BRCA1: variants seen among roughly 807,000 people sequenced by gnomAD.
The protein encoded by BRCA1 is BRCA1 DNA repair associated, also known as breast cancer type 1 susceptibility protein.
In BRCA1, 140 loss-of-function variants were observed where a neutral mutation model predicts 173.7. The ratio of observed to expected loss-of-function variants is 0.81; its 90% CI spans 0.70 to 0.93. BRCA1 has a LOEUF of 0.93. Ranked by LOEUF, BRCA1 falls within the 40% of genes least tolerant of loss-of-function variation. The probability of loss-of-function intolerance (pLI) is 0.00; values close to 1 mark genes in which losing one functional copy is unlikely to be tolerated. For synonymous variants in BRCA1, 662 were observed against 756.0 expected (o/e 0.88, Z 2.04); for missense variants, 1,983 against 2,172.5 (o/e 0.91, Z 1.73).
chr17:43,100,680 T>G (rs10445302), intron 6 of BRCA1, among the ~76,000 whole-genome samples: 1 of 11,068 alleles, frequency 9.0e-5, no homozygotes, highest in Non-Finnish European at 1.6e-4. Flanking sequence ...ATATATATAA[T>G]ATATATATAT....
At chr17:43,100,669 TA>T (rs1567807598) in intron 6 of BRCA1, among the ~76,000 whole-genome samples, 1 of 24,780 alleles carries the variant, frequency 4.0e-5, no homozygotes, top group African/African-American at 2.7e-4. Context: ...TATATATATA[TA>T]TATATATAAT....
chr17:43,109,038 A>AAC (rs2054922344), intron 3 of BRCA1, among the ~76,000 whole-genome samples: 2 of 87,216 alleles, frequency 2.3e-5, no homozygotes, highest in Non-Finnish European at 2.7e-5. Context: ...CTATATCTAT[A>AAC]TCTCTATCTA....
At chr17:43,169,904 G>A (rs1348005599) in intron 1 of BRCA1, 2 of 435,414 alleles carry the variant, frequency 4.6e-6, no homozygotes, top group South Asian at 1.8e-5. Context: ...TGCAGATGTG[G>A]CTCCCAATGT....
At chr17:43,127,823 G>T (rs1220786102), upstream of BRCA1, among the ~76,000 whole-genome samples, 4 of 151,886 alleles carry the variant, frequency 2.6e-5, no homozygotes, top group African/African-American at 7.3e-5. Flanking sequence ...AAGAGATCGA[G>T]ACCATCCTGG....
At chr17:43,122,460 G>C (rs577180051) in intron 2 of BRCA1, among the ~76,000 whole-genome samples, 1 of 152,278 alleles carries the variant, frequency 6.6e-6, no homozygotes, top group South Asian at 2.1e-4. Flanking sequence ...CATTCTGTGG[G>C]ACTAGAGATA....
At chr17:43,165,315 T>C (rs531570544) in intron 1 of BRCA1, among the ~76,000 whole-genome samples, 1 of 152,314 alleles carries the variant, frequency 6.6e-6, no homozygotes, top group East Asian at 1.9e-4. Context: ...GCTAATATGT[T>C]TACACACAGA....
At chr17:43,131,758 T>C (rs2055967925) in intron 1 of BRCA1, among the ~76,000 whole-genome samples, 1 of 152,108 alleles carries the variant, frequency 6.6e-6, no homozygotes, top group Non-Finnish European at 1.5e-5. Flanking sequence ...TATTTTCTTT[T>C]CTTTTCTCCT....
chr17:43,076,439 T>C (rs1003467345), intron 13 of BRCA1, 49 bp downstream of exon 13: 9 of 1,605,202 alleles, frequency 5.6e-6, no homozygotes, highest in Non-Finnish European at 7.7e-6. Flanking sequence ...GAGTTCAATA[T>C]AAATAAAGAT....
chr17:43,090,061 G>A (rs78734003), intron 11 of BRCA1, among the ~76,000 whole-genome samples: 2 of 72,108 alleles, frequency 2.8e-5, no homozygotes, highest in Non-Finnish European at 3.2e-5. Flanking sequence ...AAAAAAAAAA[G>A]AAGAAGAGAA....
chr17:43,104,857 T>G lies in BRCA1; in HGVS notation c.301+11A>C, dbSNP rs1555596621. ...CACTTGAGTGTCATTCTTGGGATAT[T>G]CAACACTTACACTCCAAACCTGTGT... On this transcript the variant is annotated intron_variant, in intron 5 of 22. Transcript: ENST00000357654. 1 of 1,609,298 alleles carries G rather than the reference T, an allele frequency of 6.2e-7. No individual in the cohort carries two copies. The highest frequency in any genetic ancestry group is 8.5e-7 in the Non-Finnish European group (1 of 1,175,796).
intron 3 of BRCA1, among the ~76,000 whole-genome samples, chr17:43,111,753 T>C (rs1204420879): frequency 2.6e-5 from 4 of 151,422 alleles, no homozygotes; most frequent in Non-Finnish European, 5.9e-5. Context: ...ACCCGGGAGG[T>C]GGAGCTTGCA....
chr17:43,086,839 G>A lies in BRCA1; in HGVS notation c.4185+4105C>T, dbSNP rs1597853155. ...CCTAAATCTTTTCATCAATTTAGTT[G>A]CCATGGCAATCCTGAAGAAGTGGAG... On this transcript the variant is annotated intron_variant, in intron 11 of 22. Coordinates refer to ENST00000357654, the MANE Select transcript of BRCA1 (RefSeq NM_007294.4). 6.6e-6 allele frequency among the ~76,000 whole-genome samples: 1 copy of A among 152,164 alleles called. No individual in the cohort carries two copies. The highest frequency in any genetic ancestry group is 2.4e-5 in the African/African-American group (1 of 41,438).
intron 1 of BRCA1, among the ~76,000 whole-genome samples, chr17:43,156,420 C>G (rs1208806929): frequency 6.6e-6 from 1 of 152,068 alleles, no homozygotes; most frequent in Non-Finnish European, 1.5e-5. Flanking sequence ...ATAAGCAGAG[C>G]CACCTTGGGC....
In BRCA1 at chr17:43,115,908, C is replaced by G. The variant is rs1185495856; in HGVS notation, c.81-129G>C. ...CTGAGTCAACATAAGGCCTCAAGTT[C>G]GTTCAATATTTATTAAATGTCTGCT... On this transcript the variant is annotated intron_variant, in intron 2 of 22. Transcript: ENST00000357654. 1.0e-5 allele frequency: 9 copies of G among 867,532 alleles called. No homozygotes were observed. The African/African-American group carries it at 1.2e-4, about 12-fold the overall frequency. 53.7% of individuals were successfully genotyped at this position (867,532 alleles called of 1,614,324 possible). A position where few individuals can be genotyped will look rare whatever the true frequency, so the allele number is the denominator to read the frequency against.
intron 3 of BRCA1, among the ~76,000 whole-genome samples, chr17:43,112,067 G>A (rs1026822569): frequency 2.0e-5 from 3 of 151,626 alleles, no homozygotes; most frequent in Admixed American, 6.6e-5. Context: ...TGAAAAAGTC[G>A]ATCTATCACA....
rs2054674739 is a variant in BRCA1, at chr17:43,104,884, A to G, written c.285T>C (p.Leu95=). ...ELLKIICAFQ[L]DTGLEYANSY... ...AACACTTACACTCCAAACCTGTGTC[A>G]AGCTGAAAAGCACAAATGATTTTCA... is the stretch of plus-strand genomic sequence containing the variant. The change falls in exon 5 of 23, where the codon CTT becomes CTC. Residue 95 remains leucine (L), a synonymous_variant. Transcript: ENST00000357654. 6.2e-7 allele frequency: 1 copy of G among 1,613,896 alleles called. No homozygotes were observed. The highest frequency in any genetic ancestry group is 8.5e-7 in the Non-Finnish European group (1 of 1,179,878).
chr17:43,090,931 A>G lies in BRCA1; in HGVS notation c.4185+13T>C. ...CACACACACGCATGTGCACACACACACACGCTTTTTACCTGAGTGGTTAAA... is the reference window on the plus strand; with the variant it reads ...CACACACACGCATGTGCACACACACGCACGCTTTTTACCTGAGTGGTTAAA... On this transcript the variant is annotated intron_variant, in intron 11 of 22. Coordinates refer to ENST00000357654, the MANE Select transcript of BRCA1 (RefSeq NM_007294.4). The G allele has an allele frequency of 6.2e-7, 1 of 1,603,302 alleles. No individual in the cohort carries two copies. Among genetic ancestry groups the G allele is most frequent in the South Asian group, 1.1e-5 (1 of 89,510 alleles).
chr17:43,129,715 C>T (rs1324001330), upstream of BRCA1, among the ~76,000 whole-genome samples: 3 of 152,212 alleles, frequency 2.0e-5, no homozygotes, highest in Admixed American at 2.0e-4. Context: ...ACCTCGTGAT[C>T]TGCCTTCCTC....
chr17:43,094,577 A>C lies in BRCA1; in HGVS notation c.954T>G (p.His318Gln), dbSNP rs1135401826. 6.2e-7 allele frequency: 1 copy of C among 1,614,034 alleles called. No homozygotes were observed. The highest frequency in any genetic ancestry group is 8.5e-7 in the Non-Finnish European group (1 of 1,180,002). The change falls in exon 10 of 23, where the codon CAT (histidine) becomes CAG (glutamine). Residue 318 changes from histidine (H) to glutamine (Q), a missense_variant. His to Gln is a conservative substitution (Grantham distance 24, BLOSUM62 0). Transcript: ENST00000357654. ...TTTCCTTACTTCCAGCCCATCTGTT[A>C]TGTTGGCTCCTTGCTAAGCCAGGCT... ...SKQPGLARSQ[H>Q]NRWAGSKETC...
Sources: gnomAD v4.1 joint callset for allele counts (sites outside exome capture counted in the v4.1 genomes callset) on GRCh38, gnomAD v4.1.1 for gene constraint, MANE v1.5 for transcripts, NCBI Gene and HGNC (gene_info 2026-07-23, HGNC 2026-07-21) for gene names.